SYNE1: variants seen among roughly 807,000 people sequenced by gnomAD.
The protein encoded by SYNE1 is spectrin repeat containing nuclear envelope protein 1, also known as nesprin-1.
SYNE1 carries 616 observed loss-of-function variants against 1,111.0 expected under a neutral mutation model. That is an observed-to-expected ratio of 0.55 (90% CI 0.52 to 0.59). The LOEUF is 0.59. Among genes scored for constraint, SYNE1 ranks in the 20% least tolerant of loss-of-function variants. The probability of loss-of-function intolerance (pLI) is 0.00; values close to 1 mark genes in which losing one functional copy is unlikely to be tolerated. For missense variants in SYNE1, 10,006 were observed against 10,417.0 expected, an observed-to-expected ratio of 0.96 and a Z score of 1.72; for synonymous variants, 3,855 against 3,825.8, an observed-to-expected ratio of 1.01 and a Z score of -0.28.
At chr6:152,176,364 A>G in intron 130 of SYNE1, 30 bp downstream of exon 130, 1 of 1,613,586 alleles carries the variant, frequency 6.2e-7, no homozygotes, top group East Asian at 2.2e-5. Flanking sequence ...TACTGCCCAC[A>G]CGTGCCCTAT....
chr6:152,429,526 G>C (rs543465127), intron 36 of SYNE1, among the ~76,000 whole-genome samples: 1 of 151,976 alleles, frequency 6.6e-6, no homozygotes, highest in Admixed American at 6.6e-5. Flanking sequence ...ATAAATGTTC[G>C]TGCACACATG....
intron 4 of SYNE1, among the ~76,000 whole-genome samples, chr6:152,532,373 C>A (rs1328861595): frequency 6.6e-6 from 1 of 152,070 alleles, no homozygotes; most frequent in Non-Finnish European, 1.5e-5. Context: ...GAGAAAAGAG[C>A]TCTCAAAACA....
chr6:152,305,476 G>A (rs1010746338), intron 91 of SYNE1, among the ~76,000 whole-genome samples: 1 of 152,070 alleles, frequency 6.6e-6, no homozygotes, highest in African/African-American at 2.4e-5. Flanking sequence ...TATTGGCCAG[G>A]CTGGTCTCAA....
intron 8 of SYNE1, among the ~76,000 whole-genome samples, chr6:152,505,842 G>T (rs1455334409): frequency 6.6e-6 from 1 of 152,140 alleles, no homozygotes; most frequent in East Asian, 1.9e-4. Flanking sequence ...TGTAGAAAGA[G>T]CTAACACGTT....
intron 72 of SYNE1, among the ~76,000 whole-genome samples, chr6:152,349,187 G>T (rs1443416264): frequency 6.6e-6 from 1 of 152,224 alleles, no homozygotes; most frequent in Non-Finnish European, 1.5e-5. Context: ...GTTGCTCCAT[G>T]AAATTGTGAC....
chr6:152,485,962 C>A (rs1457281702), intron 12 of SYNE1, among the ~76,000 whole-genome samples: 1 of 152,062 alleles, frequency 6.6e-6, no homozygotes, highest in Non-Finnish European at 1.5e-5. Flanking sequence ...TTTTGGAGAT[C>A]GAGGCGGGCG....
At chr6:152,332,753 T>C (rs1414206335) in intron 77 of SYNE1, among the ~76,000 whole-genome samples, 1 of 152,230 alleles carries the variant, frequency 6.6e-6, no homozygotes, top group Admixed American at 6.5e-5. Context: ...TAGTAATCTT[T>C]AGTAATAAGT....
intron 3 of SYNE1, among the ~76,000 whole-genome samples, chr6:152,609,093 C>G (rs962455616): frequency 4.6e-5 from 7 of 151,956 alleles, no homozygotes; most frequent in Admixed American, 2.0e-4. Flanking sequence ...ACTGAGGTAC[C>G]TGGTTCCTCT....
intron 39 of SYNE1, among the ~76,000 whole-genome samples, chr6:152,421,090 A>G (rs939806187): frequency 6.6e-6 from 1 of 152,204 alleles, no homozygotes; most frequent in African/African-American, 2.4e-5. Context: ...ACTTTATAGA[A>G]CCAATGAAAA....
intron 21 of SYNE1, among the ~76,000 whole-genome samples, chr6:152,460,876 G>A (rs935280436): frequency 1.4e-5 from 2 of 142,498 alleles, no homozygotes; most frequent in Non-Finnish European, 3.0e-5. Flanking sequence ...GAAATGGCGC[G>A]ATCTGGGCTC....
intron 98 of SYNE1, among the ~76,000 whole-genome samples, chr6:152,272,407 C>T (rs2093282656): frequency 6.6e-6 from 1 of 152,204 alleles, no homozygotes; most frequent in African/African-American, 2.4e-5. Flanking sequence ...AGAACAGTAA[C>T]CACTTTTGCC....
chr6:152,298,039 C>T lies in SYNE1; in HGVS notation c.17682+2602G>A, dbSNP rs146764641. On this transcript the variant is annotated intron_variant, in intron 93 of 145. Transcript: ENST00000367255. ...ACTGTTACAAATACGTTTCTCATTG[C>T]TTATGTGCCTAAGTTATAAGACTTA... Among the ~76,000 whole-genome samples, 232 of 152,216 alleles carry T rather than the reference C, an allele frequency of 1.5e-3. 1 individual carries two copies. The highest frequency in any genetic ancestry group is 0.01 in the Middle Eastern group (3 of 294).
intron 127 of SYNE1, among the ~76,000 whole-genome samples, chr6:152,200,691 G>T (rs117671713): frequency 0.015 from 2,348 of 152,144 alleles, 37 homozygotes; most frequent in Non-Finnish European, 0.021. Context: ...CACCACACCC[G>T]GCTTCTTTAT....
intron 130 of SYNE1, among the ~76,000 whole-genome samples, chr6:152,175,584 C>T (rs1162574528): frequency 2.0e-5 from 3 of 152,130 alleles, no homozygotes; most frequent in Non-Finnish European, 4.4e-5. Flanking sequence ...TCATTGAGTC[C>T]GTATTTAGGC....
chr6:152,318,211 G>C lies in SYNE1; in HGVS notation c.16442C>G (p.Ala5481Gly). ...CTGTTCCAAGAATTTCTGTACTGCT[G>C]CATCTAATTCCATTAACTTTGAATT... is the stretch of plus-strand genomic sequence containing the variant. ...GCNSKLMELDAAVQKFLEQNG... is the reference protein window; with the variant it reads ...GCNSKLMELDGAVQKFLEQNG... The change falls in exon 86 of 146, where the codon GCA (alanine) becomes GGA (glycine). Residue 5481 changes from alanine (A) to glycine (G), a missense_variant. By Grantham distance (60) the Ala-to-Gly change is moderately conservative. Transcript: ENST00000367255. 2 of 1,614,084 alleles carry C rather than the reference G, an allele frequency of 1.2e-6. No homozygotes were observed. Among genetic ancestry groups the C allele is most frequent in the Non-Finnish European group, 1.7e-6 (2 of 1,180,016 alleles).
At chr6:152,158,115 G>A (rs1440052019) in intron 131 of SYNE1, among the ~76,000 whole-genome samples, 2 of 152,188 alleles carry the variant, frequency 1.3e-5, no homozygotes, top group East Asian at 3.9e-4. Flanking sequence ...ACAAAGCATT[G>A]GATTTCCCTG....
At chr6:152,134,152 A>T (rs2056507613) in intron 142 of SYNE1, 1 of 153,654 alleles carries the variant, frequency 6.5e-6, no homozygotes, top group African/African-American at 2.4e-5. Flanking sequence ...AAGTCACTTA[A>T]ATATACTGTA....
chr6:152,179,113 C>T (rs1172279712), intron 129 of SYNE1, among the ~76,000 whole-genome samples: 3 of 152,034 alleles, frequency 2.0e-5, no homozygotes, highest in Admixed American at 2.0e-4. Context: ...TGGGGTTTCA[C>T]TGTGTTGGCC....
intron 70 of SYNE1, 107 bp downstream of exon 70, chr6:152,351,920 G>T: frequency 2.0e-6 from 2 of 1,000,370 alleles, no homozygotes; most frequent in Non-Finnish European, 3.1e-6. Context: ...ACACATGCGG[G>T]ATGCATTCCA....
Sources: gnomAD v4.1 joint callset for allele counts (sites outside exome capture counted in the v4.1 genomes callset) on GRCh38, gnomAD v4.1.1 for gene constraint, MANE v1.5 for transcripts, NCBI Gene and HGNC (gene_info 2026-07-23, HGNC 2026-07-21) for gene names.